Variants in PEX14 observed in about 807,000 individuals in gnomAD.
PEX14 encodes peroxisomal membrane protein PEX14.
In PEX14, 15 loss-of-function variants were observed where a neutral mutation model predicts 49.5. The ratio of observed to expected loss-of-function variants is 0.30; its 90% CI spans 0.20 to 0.47. The LOEUF is 0.47. PEX14 is among the 20% of genes least tolerant of loss of function. The probability of loss-of-function intolerance (pLI) is 1.00; values close to 1 mark genes in which losing one functional copy is unlikely to be tolerated. For synonymous variants in PEX14, 210 were observed against 212.7 expected (o/e 0.99, Z 0.11); for missense variants, 398 against 494.8 (o/e 0.80, Z 1.86).
At chr1:10,534,035 G>T (rs1003145806) in intron 2 of PEX14, among the ~76,000 whole-genome samples, 2 of 152,170 alleles carry the variant, frequency 1.3e-5, no homozygotes, top group African/African-American at 4.8e-5. Flanking sequence ...CTCTGTCATG[G>T]AAAATTTTGG....
At chr1:10,530,448 G>C (rs1638614382) in intron 2 of PEX14, among the ~76,000 whole-genome samples, 1 of 152,256 alleles carries the variant, frequency 6.6e-6, no homozygotes, top group African/African-American at 2.4e-5. Flanking sequence ...GCCGGCTCCG[G>C]CTAGGGGGCA....
chr1:10,522,308 G>C (rs908399163), intron 2 of PEX14, among the ~76,000 whole-genome samples: 3 of 152,202 alleles, frequency 2.0e-5, no homozygotes, highest in African/African-American at 7.2e-5. Context: ...TCAAAAAGTG[G>C]ATCAATTAAT....
At chr1:10,625,692 C>T (rs1295002928) in intron 7 of PEX14, among the ~76,000 whole-genome samples, 1 of 152,268 alleles carries the variant, frequency 6.6e-6, no homozygotes, top group Non-Finnish European at 1.5e-5. Context: ...GCCCTGCCTG[C>T]TCTCCTGGGT....
intron 3 of PEX14, among the ~76,000 whole-genome samples, chr1:10,553,946 A>C (rs1409501176): frequency 6.6e-6 from 1 of 152,108 alleles, no homozygotes; most frequent in African/African-American, 2.4e-5. Context: ...TTCTGGTAGC[A>C]GATGGTCTTT....
At chr1:10,585,033 C>G (rs1251178424) in intron 3 of PEX14, among the ~76,000 whole-genome samples, 1 of 152,160 alleles carries the variant, frequency 6.6e-6, no homozygotes, top group Non-Finnish European at 1.5e-5. Flanking sequence ...ATTTATATCA[C>G]ACTATAGTAA....
At position 10,623,006 on chromosome 1, in the gene PEX14, C is replaced by T. The variant is rs1226476259; in HGVS notation, c.385-13C>T. 6.3e-7 allele frequency: 1 copy of T among 1,594,176 alleles called. No individual in the cohort carries two copies. Among genetic ancestry groups the T allele is most frequent in the South Asian group, 1.1e-5 (1 of 89,658 alleles). ...GTCCGTATGCATTCCTCACCCTGTC[C>T]CGCTTCTTGCAGAAATACCTGCTCC... is the stretch of plus-strand genomic sequence containing the variant. On this transcript the variant is annotated splice_polypyrimidine_tract_variant and intron_variant, in intron 5 of 8. Coordinates refer to ENST00000356607, the MANE Select transcript of PEX14 (RefSeq NM_004565.3). This position sits in a 1 kb window ranked among gnomAD's most constrained non-coding sequence, Gnocchi z 4.4.
rs1009328264 is a variant in PEX14 at position 10,540,568 on chromosome 1, C to T, written c.169+4271C>T. ...CCAGCTTGTGCCCCCAGGATGAAAA[C>T]GAAAATAACTGTGTTTCCTCCCCCA... On this transcript the variant is annotated intron_variant, in intron 3 of 8. Transcript: ENST00000356607. Among the ~76,000 whole-genome samples the T allele has an allele frequency of 4.0e-5, 6 of 150,952 alleles. No individual in the cohort carries two copies. In the East Asian group the frequency reaches 1.2e-3, roughly 29 times the overall value.
chr1:10,480,935 C>G (rs1390864927), intron 1 of PEX14, among the ~76,000 whole-genome samples: 1 of 149,576 alleles, frequency 6.7e-6, no homozygotes, highest in Non-Finnish European at 1.5e-5. Flanking sequence ...TAGAATATTT[C>G]ACCTTATCTC....
chr1:10,584,460 C>T lies in PEX14; in HGVS notation c.170-14778C>T, dbSNP rs144382045. On this transcript the variant is annotated intron_variant, in intron 3 of 8. Coordinates refer to ENST00000356607, the MANE Select transcript of PEX14 (RefSeq NM_004565.3). ...GGTTATATACAAGCATGAGCTTCCC[C>T]GACTCCCACCCCAAATTAAGACATG... 2.0e-4 allele frequency among the ~76,000 whole-genome samples: 31 copies of T among 152,258 alleles called. No individual in the cohort carries two copies. In the East Asian group the frequency reaches 5.4e-3, roughly 27 times the overall value.
intron 2 of PEX14, among the ~76,000 whole-genome samples, chr1:10,535,332 C>T (rs577166146): frequency 3.5e-4 from 54 of 152,274 alleles, no homozygotes; most frequent in South Asian, 2.9e-3. Flanking sequence ...ATCCCCTGCC[C>T]GGCTTATGTG....
At chr1:10,489,805 C>T (rs905110001) in intron 1 of PEX14, among the ~76,000 whole-genome samples, 4 of 152,214 alleles carry the variant, frequency 2.6e-5, no homozygotes, top group Non-Finnish European at 5.9e-5. Context: ...CTCTCCAGGG[C>T]CTGAAATGTG....
At chr1:10,525,118 T>A (rs1025204945) in intron 2 of PEX14, among the ~76,000 whole-genome samples, 9 of 152,236 alleles carry the variant, frequency 5.9e-5, no homozygotes, top group Non-Finnish European at 1.2e-4. Context: ...TTTGGGTTCT[T>A]CTTGTGTGTG....
intron 2 of PEX14, among the ~76,000 whole-genome samples, chr1:10,523,866 T>A (rs947997379): frequency 2.0e-5 from 3 of 151,444 alleles, no homozygotes; most frequent in Non-Finnish European, 4.4e-5. Context: ...AGCATTTGAT[T>A]TGAGGAACCA....
Position 10,623,049 on chromosome 1 carries a change from C to G in PEX14, c.415C>G (p.Arg139Gly). ...KYLLPLILGG[R>G]EDRKQLERME... ...CCTGCTCCCCCTCATCCTGGGCGGC[C>G]GAGAGGACAGAAAGCAGCTGGAGAG... is the stretch of plus-strand genomic sequence containing the variant. The change falls in exon 6 of 9, where the codon CGA becomes GGA. Residue 139 changes from arginine to glycine, a missense_variant. This residue lies in a region of PEX14 where 202 missense variants were observed against 298.5 expected (regional missense o/e 0.68). Transcript: ENST00000356607. This position sits in a 1 kb window ranked among gnomAD's most constrained non-coding sequence, Gnocchi z 4.4. 3 of 1,613,814 alleles carry G rather than the reference C, an allele frequency of 1.9e-6. No individual in the cohort carries two copies. Among genetic ancestry groups the G allele is most frequent in the Non-Finnish European group, 2.5e-6 (3 of 1,179,900 alleles).
intron 2 of PEX14, among the ~76,000 whole-genome samples, chr1:10,508,003 CCCCCATGGGCACGTGTCTTTAATT>C (rs1641816780): frequency 6.6e-6 from 1 of 152,152 alleles, no homozygotes; most frequent in Non-Finnish European, 1.5e-5. Flanking sequence ...TTGAAACTTT[CCCCCATGGGCACGTGTCTTTAATT>C]CTGTTGGGAA....
At chr1:10,609,420 C>G (rs1641213620) in intron 4 of PEX14, among the ~76,000 whole-genome samples, 1 of 152,140 alleles carries the variant, frequency 6.6e-6, no homozygotes, top group East Asian at 1.9e-4. Context: ...GTTGTACAAA[C>G]AAGTTGTAAC....
In PEX14 at chr1:10,597,988, A is replaced by G. The variant is rs139918590; in HGVS notation, c.170-1250A>G. 8.0e-4 allele frequency among the ~76,000 whole-genome samples: 122 copies of G among 152,314 alleles called. No homozygotes were observed. The highest frequency in any genetic ancestry group is 2.7e-3 in the African/African-American group (111 of 41,562). ...TATTAGCCCCTAGGCATGGAGTATG[A>G]GGCACCATCCTTTTGAAGATGCTGA... On this transcript the variant is annotated intron_variant, in intron 3 of 8. Coordinates refer to ENST00000356607, the MANE Select transcript of PEX14 (RefSeq NM_004565.3). This position sits in a 1 kb window ranked among gnomAD's most constrained non-coding sequence, Gnocchi z 5.7.
At chr1:10,508,218 T>C (rs1419869132) in intron 2 of PEX14, among the ~76,000 whole-genome samples, 2 of 152,184 alleles carry the variant, frequency 1.3e-5, no homozygotes, top group Non-Finnish European at 2.9e-5. Context: ...GTTTTTGTTT[T>C]TTTTTTGAGA....
intron 4 of PEX14, among the ~76,000 whole-genome samples, chr1:10,609,988 A>C (rs1337346974): frequency 2.0e-5 from 3 of 150,780 alleles, no homozygotes; most frequent in Non-Finnish European, 4.4e-5. Flanking sequence ...AATGGTTTTG[A>C]GATTGATTCA....
Sources: gnomAD v4.1 joint callset for allele counts (sites outside exome capture counted in the v4.1 genomes callset) on GRCh38, gnomAD v4.1.1 for gene constraint, gnomAD v4.1.1 regional missense constraint, Gnocchi (gnomAD v3.1) non-coding constraint, MANE v1.5 for transcripts, NCBI Gene and HGNC (gene_info 2026-07-23, HGNC 2026-07-21) for gene names.